Variants in PIK3CA observed in about 807,000 individuals in gnomAD.
PIK3CA encodes the protein phosphatidylinositol 4,5-bisphosphate 3-kinase catalytic subunit alpha isoform.
Under a neutral mutation model 138.2 loss-of-function variants are expected in PIK3CA, and 27 were observed. The observed-to-expected ratio is 0.20, with a 90% CI of 0.14 to 0.27. The LOEUF (loss-of-function observed/expected upper bound fraction) is 0.27, where lower values mean the gene tolerates loss of function less well. PIK3CA is among the 10% of genes least tolerant of loss of function. The pLI is 1.00. For synonymous variants in PIK3CA, 358 were observed against 413.2 expected, an observed-to-expected ratio of 0.87 and a Z score of 1.62; for missense variants, 544 against 1,277.4, an observed-to-expected ratio of 0.43 and a Z score of 8.75.
intron 3 of PIK3CA, among the ~76,000 whole-genome samples, chr3:179,200,404 GAAACT>G (rs1465160910): frequency 6.6e-5 from 10 of 152,054 alleles, no homozygotes; most frequent in South Asian, 2.1e-4. Context: ...AAGGGAACAA[GAAACT>G]AAACTATATT....
intron 1 of PIK3CA, among the ~76,000 whole-genome samples, chr3:179,179,483 G>A (rs1723786686): frequency 6.6e-6 from 1 of 152,192 alleles, no homozygotes; most frequent in African/African-American, 2.4e-5. Context: ...AAATGTGATT[G>A]CCTGGGGGCA....
intron 1 of PIK3CA, among the ~76,000 whole-genome samples, chr3:179,167,506 T>C (rs1319208721): frequency 6.6e-6 from 1 of 152,124 alleles, no homozygotes; most frequent in Non-Finnish European, 1.5e-5. Context: ...TTTCCCACCC[T>C]TCTACAAAAT....
At chr3:179,212,029 T>C (rs1360049541) in intron 9 of PIK3CA, among the ~76,000 whole-genome samples, 4 of 152,040 alleles carry the variant, frequency 2.6e-5, no homozygotes, top group Admixed American at 2.6e-4. Context: ...TTTTTTGAGA[T>C]GGCGTTTTGC....
intron 10 of PIK3CA, among the ~76,000 whole-genome samples, chr3:179,218,688 T>C (rs1370629768): frequency 6.6e-6 from 1 of 152,048 alleles, no homozygotes; most frequent in Non-Finnish European, 1.5e-5. Context: ...ATTTTTCTTT[T>C]TTCTTACGTT....
chr3:179,237,876 C>T lies in PIK3CA; in HGVS notation c.*3512C>T, dbSNP rs1229654259. 1 of 210,118 alleles carries T rather than the reference C, an allele frequency of 4.8e-6. No homozygotes were observed. The highest frequency in any genetic ancestry group is 9.7e-6 in the Non-Finnish European group (1 of 103,370). 13.0% of individuals were successfully genotyped at this position (210,118 alleles called of 1,614,324 possible). A position where few individuals can be genotyped will look rare whatever the true frequency, so the allele number is the denominator to read the frequency against. ...AAAGTTCCTCTTTTTTCTATGTCTGCACAAACTGCAGACCTGGGCTGGACC... is the reference window on the plus strand; with the variant it reads ...AAAGTTCCTCTTTTTTCTATGTCTGTACAAACTGCAGACCTGGGCTGGACC... On this transcript the variant is annotated 3_prime_UTR_variant, in exon 21 of 21. Coordinates refer to ENST00000263967, the MANE Select transcript of PIK3CA (RefSeq NM_006218.4).
chr3:179,209,554 C>T (rs2108399025), intron 6 of PIK3CA, 41 bp from the exon 7 acceptor site: 2 of 1,228,676 alleles, frequency 1.6e-6, no homozygotes, highest in Middle Eastern at 1.9e-4. Flanking sequence ...TTGATGAAGA[C>T]TTTTCTTGAT....
At chr3:179,224,673 C>A in intron 15 of PIK3CA, 27 bp from the exon 16 acceptor site, 19 of 1,469,446 alleles carry the variant, frequency 1.3e-5, no homozygotes, top group African/African-American at 2.8e-5. Flanking sequence ...GCAAAGGTAC[C>A]TAGTAAAGTT....
Position 179,224,174 on chromosome 3 carries a change from C to T in PIK3CA, c.2281C>T (p.Leu761=). The part of the protein sequence containing the change: ...FLSPLNPAHQ[L]GNLRLEECRI... ...GTCTCCTCTAAACCCTGCTCATCAA[C>T]TAGGAAACCTCAGGTACTTTCTTGG... Residue 761 remains leucine, a synonymous_variant, in exon 15 of 21, where the codon CTA becomes TTA. Coordinates refer to ENST00000263967, the MANE Select transcript of PIK3CA (RefSeq NM_006218.4). 6.5e-7 allele frequency: 1 copy of T among 1,546,082 alleles called. No homozygotes were observed. Among genetic ancestry groups the T allele is most frequent in the Non-Finnish European group, 8.9e-7 (1 of 1,127,732 alleles).
chr3:179,150,256 A>G (rs1022500110), intron 1 of PIK3CA, among the ~76,000 whole-genome samples: 1 of 152,096 alleles, frequency 6.6e-6, no homozygotes, highest in African/African-American at 2.4e-5. Flanking sequence ...ATAAAACTTC[A>G]TAGCTTTTTT....
intron 1 of PIK3CA, among the ~76,000 whole-genome samples, chr3:179,194,541 G>C (rs1560135548): frequency 6.6e-6 from 1 of 152,084 alleles, no homozygotes; most frequent in African/African-American, 2.4e-5. Context: ...TTTACTAACG[G>C]TGTACAACAT....
At chr3:179,152,344 T>C (rs1723034357) in intron 1 of PIK3CA, among the ~76,000 whole-genome samples, 1 of 152,130 alleles carries the variant, frequency 6.6e-6, no homozygotes, top group African/African-American at 2.4e-5. Context: ...ACCACAAACA[T>C]TTGGGCACGT....
intron 1 of PIK3CA, among the ~76,000 whole-genome samples, chr3:179,192,070 G>A (rs1015145691): frequency 1.2e-4 from 18 of 152,184 alleles, no homozygotes; most frequent in Admixed American, 5.9e-4. Flanking sequence ...ATAGAGACTG[G>A]TAATCCATAG....
intron 1 of PIK3CA, among the ~76,000 whole-genome samples, chr3:179,177,640 CTAATTATAAAG>C (rs1233808938): frequency 3.3e-5 from 5 of 151,978 alleles, no homozygotes; most frequent in Admixed American, 6.6e-5. Context: ...TGAACAATAA[CTAATTATAAAG>C]TATAGTGGAA....
rs1160708617 is a variant in PIK3CA at position 179,148,418 on chromosome 3, ACTGGGG to A, written c.-254_-249del. On this transcript the variant is annotated 5_prime_UTR_variant, in exon 1 of 21. Coordinates refer to ENST00000263967, the MANE Select transcript of PIK3CA (RefSeq NM_006218.4). ...GGCTGCTGCTGCCGCGGCCGCTGGG[ACTGGGG>A]CTGGGGCCGCCGGCGAGGCAGGGCT... The A allele has an allele frequency of 6.6e-6, 1 of 150,580 alleles. No homozygotes were observed. Among genetic ancestry groups the A allele is most frequent in the Non-Finnish European group, 1.5e-5 (1 of 67,558 alleles). The allele number at this position is 150,580 out of a possible 1,614,324, so 9.3% of individuals were successfully genotyped here.
chr3:179,158,993 T>C (rs972681693), intron 1 of PIK3CA, among the ~76,000 whole-genome samples: 16 of 152,198 alleles, frequency 1.1e-4, no homozygotes, highest in African/African-American at 3.4e-4. Flanking sequence ...CTTACTTTTC[T>C]AAAGTTGATG....
chr3:179,155,947 T>G (rs1723129623), intron 1 of PIK3CA, among the ~76,000 whole-genome samples: 1 of 152,212 alleles, frequency 6.6e-6, no homozygotes, highest in South Asian at 2.1e-4. Context: ...GCCTAAGATC[T>G]TGGCCTTTCA....
intron 1 of PIK3CA, among the ~76,000 whole-genome samples, chr3:179,164,282 C>T (rs1056345495): frequency 2.0e-5 from 3 of 152,044 alleles, no homozygotes; most frequent in Non-Finnish European, 4.4e-5. Flanking sequence ...ATCTGTGCAC[C>T]GCTATATTTC....
At chr3:179,232,405 C>T (rs891319573) in intron 20 of PIK3CA, among the ~76,000 whole-genome samples, 1 of 152,008 alleles carries the variant, frequency 6.6e-6, no homozygotes, top group African/African-American at 2.4e-5. Context: ...TGTCTAAGAT[C>T]AGTTCGTTGT....
At chr3:179,174,289 C>T (rs183988886) in intron 1 of PIK3CA, among the ~76,000 whole-genome samples, 86 of 151,770 alleles carry the variant, frequency 5.7e-4, no homozygotes, top group South Asian at 3.1e-3. Flanking sequence ...GCCAACACAG[C>T]GAAACCCTGT....
Sources: allele counts gnomAD v4.1 joint callset (sites outside exome capture counted in the v4.1 genomes callset), GRCh38; gene constraint gnomAD v4.1.1; transcripts MANE v1.5; gene names NCBI Gene and HGNC (gene_info 2026-07-23, HGNC 2026-07-21).